The following BUB1B variants were observed in gnomAD, a reference collection of about 807,000 sequenced individuals.
The protein encoded by BUB1B is BUB1 mitotic checkpoint serine/threonine kinase B, also known as mitotic checkpoint serine/threonine-protein kinase BUB1 beta.
BUB1B carries 86 observed loss-of-function variants against 137.7 expected under a neutral mutation model. That is an observed-to-expected ratio of 0.62 (90% CI 0.52 to 0.75). The LOEUF (loss-of-function observed/expected upper bound fraction) is 0.75, where lower values mean the gene tolerates loss of function less well. Among genes scored for constraint, BUB1B ranks in the 30% least tolerant of loss-of-function variants. BUB1B has a pLI of 0.00. For synonymous variants in BUB1B, 420 were observed against 417.9 expected (o/e 1.00, Z -0.06); for missense variants, 1,130 against 1,236.9 (o/e 0.91, Z 1.30).
chr15:40,181,781 T>G (rs779112681), intron 5 of BUB1B, among the ~76,000 whole-genome samples: 2 of 152,250 alleles, frequency 1.3e-5, no homozygotes, highest in Non-Finnish European at 2.9e-5. Flanking sequence ...AGATACTGTA[T>G]TTTTCAATTC....
intron 21 of BUB1B, 65 bp from the exon 22 acceptor site, chr15:40,218,391 C>T (rs1233982982): frequency 9.0e-6 from 11 of 1,221,830 alleles, no homozygotes; most frequent in Middle Eastern, 1.9e-4. Context: ...AACTTCCTAC[C>T]GAAATAAGCT....
intron 5 of BUB1B, among the ~76,000 whole-genome samples, chr15:40,181,758 A>C (rs757269582): frequency 2.7e-4 from 41 of 152,056 alleles, no homozygotes; most frequent in Non-Finnish European, 5.4e-4. Context: ...ATTCAACATA[A>C]ATTTTTTATT....
intron 5 of BUB1B, among the ~76,000 whole-genome samples, chr15:40,180,642 CTTTTTTT>C (rs71132149): frequency 1.4e-4 from 9 of 65,854 alleles, no homozygotes; most frequent in East Asian, 5.2e-4. Context: ...TTTTCTTTTT[CTTTTTTT>C]TTTTTTTTTT....
rs2037684734 is a variant in BUB1B, at chr15:40,209,647, A to T, written c.2156A>T (p.Gln719Leu). 1 of 1,614,018 alleles carries T rather than the reference A, an allele frequency of 6.2e-7. No individual in the cohort carries two copies. The highest frequency in any genetic ancestry group is 1.3e-5 in the African/African-American group (1 of 74,906). Residue 719 changes from glutamine to leucine, a missense_variant, in exon 17 of 23, where the codon CAG (glutamine) becomes CTG (leucine). Physicochemically the swap from Gln to Leu is moderately radical, Grantham distance 113 (BLOSUM62 -2). Coordinates refer to ENST00000287598, the MANE Select transcript of BUB1B (RefSeq NM_001211.6). ...LTNETSENPT[Q>L]SPWCSQYRRQ... The stretch of plus-strand genomic sequence containing the variant: ...CTCCCACTGGCAGAAAACCCTACTC[A>T]GTCACCATGGTGTTCACAGTATCGC...
In BUB1B at chr15:40,165,064, C is replaced by G; in HGVS notation, c.47C>G (p.Ser16Cys). ...KEGGALSEAMSLEGDEWELSK... is the reference protein window; with the variant it reads ...KEGGALSEAMCLEGDEWELSK... ...TTCCTTCTTCACAGTGAAGCCATGT[C>G]CCTGGAGGGAGATGAATGGGAACTG... is the stretch of plus-strand genomic sequence containing the variant. Residue 16 changes from serine to cysteine, a missense_variant, in exon 2 of 23, where the codon TCC (serine) becomes TGC (cysteine). By Grantham distance (112) the Ser-to-Cys change is moderately radical. Transcript: ENST00000287598. 1 of 1,614,114 alleles carries G rather than the reference C, an allele frequency of 6.2e-7. No homozygotes were observed. The highest frequency in any genetic ancestry group is 8.5e-7 in the Non-Finnish European group (1 of 1,180,014).
At chr15:40,199,480 G>A (rs983298921) in intron 9 of BUB1B, 135 bp from the exon 10 acceptor site, 2 of 705,306 alleles carry the variant, frequency 2.8e-6, no homozygotes, top group African/African-American at 3.6e-5. Context: ...ACCACAAGTT[G>A]AGGACCTTAT....
intron 12 of BUB1B, 115 bp from the exon 13 acceptor site, chr15:40,202,290 A>G: frequency 1.1e-6 from 1 of 885,410 alleles, no homozygotes; most frequent in East Asian, 2.5e-5. Flanking sequence ...TGTTATTAAA[A>G]AAACAGGTTG....
chr15:40,212,778 C>A, intron 19 of BUB1B, 130 bp downstream of exon 19: 1 of 882,926 alleles, frequency 1.1e-6, no homozygotes, highest in Non-Finnish European at 1.7e-6. Flanking sequence ...AAGTTAGAAG[C>A]ATTGATAATT....
At chr15:40,220,082 T>C (rs944932516) in intron 22 of BUB1B, among the ~76,000 whole-genome samples, 1 of 152,154 alleles carries the variant, frequency 6.6e-6, no homozygotes, top group Non-Finnish European at 1.5e-5. Flanking sequence ...ATAAGGGAAG[T>C]TTCTCTGATC....
chr15:40,165,341 C>A, intron 2 of BUB1B, 145 bp downstream of exon 2: 1 of 1,025,130 alleles, frequency 9.8e-7, no homozygotes, highest in Non-Finnish European at 1.5e-6. Context: ...GCTTTCGTAT[C>A]ACATGACAGC....
chr15:40,202,071 G>C (rs1300240779), intron 12 of BUB1B, among the ~76,000 whole-genome samples: 1 of 152,024 alleles, frequency 6.6e-6, no homozygotes, highest in Admixed American at 6.6e-5. Flanking sequence ...ATCATGTTTT[G>C]GGATTGGGAT....
chr15:40,216,157 C>A (rs1566829495), intron 20 of BUB1B, among the ~76,000 whole-genome samples: 1 of 151,486 alleles, frequency 6.6e-6, no homozygotes, highest in Non-Finnish European at 1.5e-5. Context: ...TTTACAATTA[C>A]ACTGGGCATG....
At chr15:40,203,922 G>A (rs1334394978) in intron 14 of BUB1B, among the ~76,000 whole-genome samples, 2 of 152,210 alleles carry the variant, frequency 1.3e-5, no homozygotes, top group Non-Finnish European at 2.9e-5. Context: ...GGTGATGTGA[G>A]CAGTAGCTTT....
chr15:40,183,638 C>T, intron 5 of BUB1B, 76 bp from the exon 6 acceptor site: 2 of 1,410,908 alleles, frequency 1.4e-6, no homozygotes, highest in South Asian at 1.2e-5. Flanking sequence ...AATTTGTTTA[C>T]TTTAACAAAT....
intron 15 of BUB1B, among the ~76,000 whole-genome samples, chr15:40,207,339 C>G (rs984460845): frequency 6.6e-6 from 1 of 152,130 alleles, no homozygotes; most frequent in Non-Finnish European, 1.5e-5. Flanking sequence ...TGCAGTGGCT[C>G]ACCTCTGTAA....
rs750579205 is a variant in BUB1B, at chr15:40,206,165, T to C, written c.1735-19T>C. On this transcript the variant is annotated intron_variant, in intron 14 of 22. Coordinates refer to ENST00000287598, the MANE Select transcript of BUB1B (RefSeq NM_001211.6). ...GTATTGAAATATTTTAGCTAAACTT[T>C]ATATGGTCTTTATTTCAGGATGAAT... 2.9e-5 allele frequency: 47 copies of C among 1,613,678 alleles called. No individual in the cohort carries two copies. Among genetic ancestry groups the C allele is most frequent in the Admixed American group, 1.5e-4 (9 of 60,000 alleles).
intron 15 of BUB1B, 112 bp from the exon 16 acceptor site, chr15:40,208,525 C>A: frequency 8.9e-7 from 1 of 1,118,844 alleles, no homozygotes; most frequent in Middle Eastern, 2.9e-4. Flanking sequence ...GTGACAAGAG[C>A]AAAACTCCAT....
intron 1 of BUB1B, among the ~76,000 whole-genome samples, chr15:40,164,443 G>T (rs2037071806): frequency 6.6e-6 from 1 of 151,972 alleles, no homozygotes; most frequent in South Asian, 2.1e-4. Context: ...GCCCAGGGTG[G>T]TGTTGAACTC....
chr15:40,207,007 G>A (rs879817095), intron 15 of BUB1B, among the ~76,000 whole-genome samples: 2 of 151,950 alleles, frequency 1.3e-5, no homozygotes, highest in Non-Finnish European at 2.9e-5. Flanking sequence ...ACGGGGTTTC[G>A]CCATGTTGGC....
Sources: allele counts gnomAD v4.1 joint callset (sites outside exome capture counted in the v4.1 genomes callset), GRCh38; gene constraint gnomAD v4.1.1; transcripts MANE v1.5; gene names NCBI Gene and HGNC (gene_info 2026-07-23, HGNC 2026-07-21).